Variants in AMOTL1 observed in about 807,000 individuals in gnomAD.
The protein encoded by AMOTL1 is angiomotin like 1, also known as angiomotin-like protein 1.
Under a neutral mutation model 102.9 loss-of-function variants are expected in AMOTL1, and 45 were observed. The ratio of observed to expected loss-of-function variants is 0.44; its 90% CI spans 0.34 to 0.56. The LOEUF (loss-of-function observed/expected upper bound fraction) is 0.56. Among genes scored for constraint, AMOTL1 ranks in the 20% least tolerant of loss-of-function variants. The pLI is 0.01. For synonymous variants in AMOTL1, 481 were observed against 484.7 expected (o/e 0.99, Z 0.10); for missense variants, 1,114 against 1,225.6 (o/e 0.91, Z 1.36).
At chr11:94,862,099 C>T (rs1007553815) in intron 9 of AMOTL1, among the ~76,000 whole-genome samples, 1 of 152,150 alleles carries the variant, frequency 6.6e-6, no homozygotes, top group African/African-American at 2.4e-5. Flanking sequence ...GAGGGAGCCC[C>T]TTTCCATCCC....
At chr11:94,868,436 A>T (rs1952926143) in intron 11 of AMOTL1, among the ~76,000 whole-genome samples, 1 of 152,180 alleles carries the variant, frequency 6.6e-6, no homozygotes, top group South Asian at 2.1e-4. Context: ...TCTGCACACC[A>T]CGCCTCCCAT....
chr11:94,707,250 C>CTGTGTGTG lies in AMOTL1; in HGVS notation c.-51+680_-51+687dup, dbSNP rs71459746. On this transcript the variant is annotated intron_variant, in intron 1 of 4. Transcript: ENST00000299004. ...TCTCTCTCTCTCTCTCTCTCTCTCT[C>CTGTGTGTG]TGTGTGTGTGTGTGTGTGTGTGTGT... Among the ~76,000 whole-genome samples, 627 of 71,732 alleles carry CTGTGTGTG rather than the reference C, an allele frequency of 8.7e-3. 8 individuals carry two copies. The highest frequency in any genetic ancestry group is 0.021 in the African/African-American group (537 of 25,144). 47.1% of individuals were successfully genotyped at this position (71,732 alleles called of 152,430 possible).
chr11:94,735,305 A>AC (rs1043046300), intron 2 of AMOTL1, among the ~76,000 whole-genome samples: 1 of 152,154 alleles, frequency 6.6e-6, no homozygotes, highest in African/African-American at 2.4e-5. Flanking sequence ...TGGGCATTGT[A>AC]CCCCCAAAAA....
chr11:94,865,397 AG>A (rs1952860593), intron 10 of AMOTL1, among the ~76,000 whole-genome samples: 1 of 152,206 alleles, frequency 6.6e-6, no homozygotes, highest in Admixed American at 6.5e-5. Context: ...CTTATTTTGC[AG>A]ATGTGAAAAT....
chr11:94,821,763 A>G lies in AMOTL1; in HGVS notation c.1355A>G (p.Asn452Ser). 1 of 1,614,030 alleles carries G rather than the reference A, an allele frequency of 6.2e-7. No homozygotes were observed. The highest frequency in any genetic ancestry group is 8.5e-7 in the Non-Finnish European group (1 of 1,179,892). The change falls in exon 4 of 13, where the codon AAC becomes AGC. Residue 452 changes from asparagine to serine, a missense_variant. Physicochemically the swap from Asn to Ser is conservative, Grantham distance 46. Transcript: ENST00000433060. ...QQMVEILTEENRVLHQELQGY... is the reference protein window; with the variant it reads ...QQMVEILTEESRVLHQELQGY... ...ATGGTGGAGATATTAACAGAGGAGA[A>G]CCGGGTGCTTCACCAGGAACTTCAG...
intron 9 of AMOTL1, 37 bp from the exon 10 acceptor site, chr11:94,864,698 G>A: frequency 6.2e-7 from 1 of 1,601,062 alleles, no homozygotes; most frequent in Non-Finnish European, 8.5e-7. Flanking sequence ...AAGCAAGAAG[G>A]TTTCCTATGA....
At chr11:94,712,175 T>C (rs912851662) in intron 1 of AMOTL1, among the ~76,000 whole-genome samples, 8 of 152,034 alleles carry the variant, frequency 5.3e-5, no homozygotes, top group Non-Finnish European at 1.2e-4. Context: ...TGGTTTTAAT[T>C]TGTGTTTGCG....
intron 1 of AMOTL1, among the ~76,000 whole-genome samples, chr11:94,711,512 C>G (rs1324662149): frequency 6.6e-6 from 1 of 152,010 alleles, no homozygotes; most frequent in East Asian, 1.9e-4. Flanking sequence ...GTTTTTGTCA[C>G]ATTAGCTTCA....
At position 94,787,557 on chromosome 11, in the gene AMOTL1, G is replaced by A. The variant is rs371636488; in HGVS notation, c.50-7454G>A. ...ACAAAAATTAGCCGGGCATGGTGGC[G>A]CGCGCCTGTAGTCCCAGCTACACGG... On this transcript the variant is annotated intron_variant, in intron 1 of 12. Transcript: ENST00000433060. Among the ~76,000 whole-genome samples, 998 of 151,426 alleles carry A rather than the reference G, an allele frequency of 6.6e-3. 2 individuals are homozygous for A. The highest frequency in any genetic ancestry group is 0.012 in the African/African-American group (489 of 41,246).
rs1432474779 is a variant in AMOTL1 at position 94,831,503 on chromosome 11, A to G, written c.1610A>G (p.His537Arg). Reference protein sequence around the residue: ...RQLSSREYEGHEDKAAEGHYA... With the variant: ...RQLSSREYEGREDKAAEGHYA... ...CTATCCAGCAGGGAATACGAAGGGC[A>G]TGAAGACAAAGCTGCAGAGGGGCAT... The change falls in exon 6 of 13, where the codon CAT becomes CGT. Residue 537 changes from histidine to arginine, a missense_variant. Physicochemically the swap from His to Arg is conservative, Grantham distance 29. Transcript: ENST00000433060. 6 of 1,613,998 alleles carry G rather than the reference A, an allele frequency of 3.7e-6. No individual in the cohort carries two copies. Among genetic ancestry groups the G allele is most frequent in the Non-Finnish European group, 5.1e-6 (6 of 1,179,832 alleles).
At chr11:94,751,497 T>G (rs1008851886) in intron 3 of AMOTL1, among the ~76,000 whole-genome samples, 1 of 152,004 alleles carries the variant, frequency 6.6e-6, no homozygotes, top group African/African-American at 2.4e-5. Flanking sequence ...CTAAGGAGAA[T>G]ACAAAAGGAC....
chr11:94,831,634 C>T, intron 6 of AMOTL1, 93 bp downstream of exon 6: 3 of 1,136,362 alleles, frequency 2.6e-6, no homozygotes, highest in Middle Eastern at 2.0e-4. Context: ...GGGTTTTGTG[C>T]TGTTTGCTTT....
chr11:94,838,668 A>G (rs1045039200), intron 6 of AMOTL1, among the ~76,000 whole-genome samples: 1 of 152,252 alleles, frequency 6.6e-6, no homozygotes, highest in Non-Finnish European at 1.5e-5. Flanking sequence ...TATTGAAGGA[A>G]GATGCAAAAT....
At chr11:94,757,321 A>G (rs1950738193) in intron 3 of AMOTL1, among the ~76,000 whole-genome samples, 1 of 152,156 alleles carries the variant, frequency 6.6e-6, no homozygotes, top group Admixed American at 6.5e-5. Context: ...CAGTCCTGTG[A>G]GGTGGATACT....
At chr11:94,715,799 C>T (rs759861202) in intron 1 of AMOTL1, among the ~76,000 whole-genome samples, 15 of 152,000 alleles carry the variant, frequency 9.9e-5, no homozygotes, top group Non-Finnish European at 1.6e-4. Flanking sequence ...TATTTCGTTT[C>T]AGTTTTCAGA....
chr11:94,821,517 C>T lies in AMOTL1; in HGVS notation c.1122-13C>T. ...TCCCCAGGCTCTAACTGCTGCCTTC[C>T]ATTGCCTTGCAGCCGCCCATGCCAA... is the stretch of plus-strand genomic sequence containing the variant. On this transcript the variant is annotated splice_polypyrimidine_tract_variant and intron_variant, in intron 3 of 12. Transcript: ENST00000433060. 1 of 1,609,532 alleles carries T rather than the reference C, an allele frequency of 6.2e-7. No individual in the cohort carries two copies.
upstream of AMOTL1, among the ~76,000 whole-genome samples, chr11:94,766,584 C>T (rs542916996): frequency 2.6e-5 from 4 of 152,294 alleles, no homozygotes; most frequent in South Asian, 2.1e-4. Flanking sequence ...TTCTATCCAT[C>T]ACTTCTTCCC....
intron 9 of AMOTL1, among the ~76,000 whole-genome samples, chr11:94,863,848 G>A (rs1952822802): frequency 6.6e-6 from 1 of 152,252 alleles, no homozygotes; most frequent in Non-Finnish European, 1.5e-5. Flanking sequence ...TAGTCAGACA[G>A]ATGCTTGCAG....
chr11:94,821,888 C>T, intron 4 of AMOTL1, 67 bp downstream of exon 4: 1 of 1,568,676 alleles, frequency 6.4e-7, no homozygotes, highest in Non-Finnish European at 8.7e-7. Context: ...AGTTGATGCA[C>T]TGACTGACTT....
Sources: gnomAD v4.1 joint callset for allele counts (sites outside exome capture counted in the v4.1 genomes callset) on GRCh38, gnomAD v4.1.1 for gene constraint, MANE v1.5 for transcripts, NCBI Gene and HGNC (gene_info 2026-07-23, HGNC 2026-07-21) for gene names.